CEP104: variants seen among roughly 807,000 people sequenced by gnomAD.
CEP104 encodes the protein centrosomal protein of 104 kDa.
Under a neutral mutation model 113.3 loss-of-function variants are expected in CEP104, and 84 were observed. The observed-to-expected ratio is 0.74, with a 90% CI of 0.62 to 0.89. The LOEUF is 0.89. CEP104 is among the 40% of genes least tolerant of loss of function. CEP104 has a pLI of 0.00. For missense variants in CEP104, 1,053 were observed against 1,156.6 expected (o/e 0.91, Z 1.30); for synonymous variants, 378 against 421.7 (o/e 0.90, Z 1.27).
chr1:3,816,995 T>C (rs1238755599), intron 20 of CEP104, among the ~76,000 whole-genome samples: 2 of 152,246 alleles, frequency 1.3e-5, no homozygotes, highest in East Asian at 3.8e-4. Flanking sequence ...CTGAGTCTTC[T>C]GGACATTCGA....
At chr1:3,840,801 A>G (rs985928879) in intron 6 of CEP104, among the ~76,000 whole-genome samples, 1 of 152,188 alleles carries the variant, frequency 6.6e-6, no homozygotes, top group African/African-American at 2.4e-5. Flanking sequence ...CGGACTCCCA[A>G]AGTGCTGAGA....
chr1:3,839,825 T>G, intron 6 of CEP104, 49 bp from the exon 7 acceptor site: 1 of 1,502,728 alleles, frequency 6.7e-7, no homozygotes. Flanking sequence ...GCCCTAGGAG[T>G]TCAGTGCTGA....
intron 12 of CEP104, 39 bp from the exon 13 acceptor site, chr1:3,831,261 A>G (rs1483120905): frequency 6.3e-7 from 1 of 1,582,582 alleles, no homozygotes; most frequent in Admixed American, 1.7e-5. Flanking sequence ...TTTACTGGAA[A>G]ATGCTGGAGG....
rs61768914 is a variant in CEP104, at chr1:3,832,540, A to G, written c.1660-1318T>C. 8.7e-3 allele frequency among the ~76,000 whole-genome samples: 612 copies of G among 70,512 alleles called. 53 individuals are homozygous for G. The highest frequency in any genetic ancestry group is 0.022 in the African/African-American group (579 of 26,182). The allele number at this position is 70,512 out of a possible 152,430, so 46.3% of individuals were successfully genotyped here. A position where few individuals can be genotyped will look rare whatever the true frequency, so the allele number is the denominator to read the frequency against. ...TGACCAGGAGTGTAGTGTAGGTCAT[A>G]ACCAGGAGTGTAGTGTAGCACATTA... On this transcript the variant is annotated intron_variant, in intron 12 of 21. Coordinates refer to ENST00000378230, the MANE Select transcript of CEP104 (RefSeq NM_014704.4).
chr1:3,824,016 C>T (rs529830110), intron 18 of CEP104, among the ~76,000 whole-genome samples: 1 of 152,316 alleles, frequency 6.6e-6, no homozygotes, highest in East Asian at 1.9e-4. Flanking sequence ...TACTCTATAA[C>T]TTCAGGCCGC....
At chr1:3,855,483 A>G (rs1432917119) in intron 1 of CEP104, among the ~76,000 whole-genome samples, 1 of 151,986 alleles carries the variant, frequency 6.6e-6, no homozygotes, top group African/African-American at 2.4e-5. Context: ...TCTGAACCTA[A>G]CCAACACTCT....
chr1:3,830,889 T>G (rs539611062), intron 13 of CEP104, among the ~76,000 whole-genome samples, 157 bp downstream of exon 13: 12 of 151,960 alleles, frequency 7.9e-5, no homozygotes, highest in Non-Finnish European at 1.5e-4. Context: ...GCAGGACGCA[T>G]GTGGGGGCCC....
At chr1:3,845,209 A>G (rs1218111288) in intron 5 of CEP104, 80 bp downstream of exon 5, 1 of 1,053,722 alleles carries the variant, frequency 9.5e-7, no homozygotes, top group Non-Finnish European at 1.4e-6. Flanking sequence ...AAAATGACAC[A>G]TTTTTTGGGT....
At chr1:3,839,216 A>T (rs775188656) in intron 7 of CEP104, 97 bp from the exon 8 acceptor site, 1 of 1,084,320 alleles carries the variant, frequency 9.2e-7, no homozygotes, top group Non-Finnish European at 1.4e-6. Context: ...CCGTCTTGCA[A>T]GGAGAGGGAG....
chr1:3,824,237 C>A (rs59471290), intron 18 of CEP104, among the ~76,000 whole-genome samples: 19,871 of 152,180 alleles, frequency 0.13, 1,687 homozygotes, highest in African/African-American at 0.24. Context: ...CAGGCATACA[C>A]CACCACGCCT....
chr1:3,843,021 C>G, intron 6 of CEP104: 2 of 454,534 alleles, frequency 4.4e-6, no homozygotes, highest in South Asian at 7.4e-5. Context: ...TTCCTGACCT[C>G]AAGTGATCTG....
At chr1:3,829,643 G>C (rs949980561) in intron 14 of CEP104, 148 bp downstream of exon 14, 3 of 842,944 alleles carry the variant, frequency 3.6e-6, no homozygotes, top group Admixed American at 2.2e-5. Context: ...ATCTGAATGC[G>C]GGAACCTGTG....
At chr1:3,826,257 C>T in intron 17 of CEP104, 113 bp downstream of exon 17, 2 of 866,834 alleles carry the variant, frequency 2.3e-6, no homozygotes, top group South Asian at 1.5e-5. Context: ...CATTTCCTAC[C>T]TTTTATGATG....
rs114304873 is a variant in CEP104, at chr1:3,848,116, T to C, written c.287+492A>G. The stretch of plus-strand genomic sequence containing the variant: ...AAGTAGAGTTGAATAGCAGAATTCA[T>C]AGAAATTATAGCGCTGCTTTTTAAG... On this transcript the variant is annotated intron_variant, in intron 3 of 21. Coordinates refer to ENST00000378230, the MANE Select transcript of CEP104 (RefSeq NM_014704.4). Among the ~76,000 whole-genome samples, 884 of 152,230 alleles carry C rather than the reference T, an allele frequency of 5.8e-3. 10 individuals are homozygous for C. The highest frequency in any genetic ancestry group is 0.02 in the African/African-American group (823 of 41,494).
intron 10 of CEP104, 23 bp downstream of exon 10, chr1:3,836,468 GTTTT>G (rs36051675): frequency 2.2e-3 from 2,238 of 1,006,492 alleles, no homozygotes; most frequent in East Asian, 3.6e-3. Context: ...CTGCCACCCC[GTTTT>G]TTTTTTTTTT....
chr1:3,830,960 A>G (rs1032358291), intron 13 of CEP104, 86 bp downstream of exon 13: 8 of 1,347,608 alleles, frequency 5.9e-6, no homozygotes, highest in Non-Finnish European at 8.1e-6. Context: ...CATTCCTTCA[A>G]CAAATGCCGA....
intron 6 of CEP104, among the ~76,000 whole-genome samples, chr1:3,844,136 G>A (rs978122634): frequency 1.3e-5 from 2 of 152,174 alleles, no homozygotes; most frequent in African/African-American, 4.8e-5. Context: ...GAGGCCATAA[G>A]GTGATGTCTC....
intron 4 of CEP104, among the ~76,000 whole-genome samples, chr1:3,846,555 T>TA (rs1187444200): frequency 2.0e-5 from 3 of 152,144 alleles, no homozygotes; most frequent in Admixed American, 6.6e-5. Flanking sequence ...AAATCTTTAT[T>TA]AAAAAAACAA....
intron 21 of CEP104, 111 bp downstream of exon 21, chr1:3,816,169 T>C: frequency 1.2e-6 from 1 of 867,226 alleles, no homozygotes; most frequent in Non-Finnish European, 1.7e-6. Context: ...TGCTTTATTT[T>C]GCTTTTAAAG....
Sources: gnomAD v4.1 joint callset for allele counts (sites outside exome capture counted in the v4.1 genomes callset) on GRCh38, gnomAD v4.1.1 for gene constraint, MANE v1.5 for transcripts, NCBI Gene and HGNC (gene_info 2026-07-23, HGNC 2026-07-21) for gene names.